ACSL1: variants seen among roughly 807,000 people sequenced by gnomAD.
The protein encoded by ACSL1 is acyl-CoA synthetase long chain family member 1.
ACSL1 carries 41 observed loss-of-function variants against 98.4 expected under a neutral mutation model. That is an observed-to-expected ratio of 0.42 (90% CI 0.32 to 0.54). ACSL1 has a LOEUF of 0.54. Ranked by LOEUF, ACSL1 falls within the 20% of genes least tolerant of loss-of-function variation. ACSL1 has a pLI of 0.13. For missense variants in ACSL1, 734 were observed against 883.1 expected (o/e 0.83, Z 2.14); for synonymous variants, 316 against 322.7 (o/e 0.98, Z 0.22).
intron 10 of ACSL1, among the ~76,000 whole-genome samples, chr4:184,770,897 G>A (rs1474987100): frequency 6.6e-6 from 1 of 152,196 alleles, no homozygotes; most frequent in Non-Finnish European, 1.5e-5. Context: ...GCCAAGGCAG[G>A]CAGATCACTT....
chr4:184,769,953 T>C (rs943020874), intron 11 of ACSL1, among the ~76,000 whole-genome samples: 2 of 152,216 alleles, frequency 1.3e-5, no homozygotes, highest in African/African-American at 4.8e-5. Context: ...GCAAGCCAAC[T>C]TGTGCATTAG....
At chr4:184,824,652 A>C (rs1371359514) in intron 1 of ACSL1, among the ~76,000 whole-genome samples, 3 of 152,180 alleles carry the variant, frequency 2.0e-5, no homozygotes. Flanking sequence ...AGAACAAGAA[A>C]GTAAGTCTCC....
At chr4:184,790,182 G>A (rs1333407514) in intron 2 of ACSL1, among the ~76,000 whole-genome samples, 1 of 152,144 alleles carries the variant, frequency 6.6e-6, no homozygotes, top group African/African-American at 2.4e-5. Flanking sequence ...GGGGATGACT[G>A]CCTGATCTGT....
rs536984393 is a variant in ACSL1, at chr4:184,760,319, G to A, written c.1782+38C>T. ...CCCTGGAGTACCAGGCAATGGCAAT[G>A]TGTATGCAGCAAGATTCAAGACCCA... is the stretch of plus-strand genomic sequence containing the variant. On this transcript the variant is annotated intron_variant, in intron 18 of 20. Transcript: ENST00000281455. 1.2e-5 allele frequency: 20 copies of A among 1,610,664 alleles called. 1 individual carries two copies. The South Asian group carries it at 2.0e-4, about 16-fold the overall frequency.
intron 1 of ACSL1, among the ~76,000 whole-genome samples, chr4:184,815,876 T>G (rs1440967869): frequency 6.6e-6 from 1 of 152,026 alleles, no homozygotes; most frequent in Non-Finnish European, 1.5e-5. Flanking sequence ...AACCCAGCAC[T>G]TTGGGAGGCA....
intron 7 of ACSL1, among the ~76,000 whole-genome samples, chr4:184,775,318 C>T (rs991286861): frequency 2.6e-4 from 40 of 151,978 alleles, no homozygotes; most frequent in African/African-American, 9.4e-4. Context: ...TTAATATAAA[C>T]TTTATATTAT....
rs747099011 is a variant in ACSL1 at position 184,760,347 on chromosome 4, A to G, written c.1782+10T>C. On this transcript the variant is annotated intron_variant, in intron 18 of 20. Transcript: ENST00000281455. ...TATGCAGCAAGATTCAAGACCCAGA[A>G]AGCACATACCTGCAGGCTTTCTCCG... 2 of 1,613,916 alleles carry G rather than the reference A, an allele frequency of 1.2e-6. No homozygotes were observed. Among genetic ancestry groups the G allele is most frequent in the Non-Finnish European group, 1.7e-6 (2 of 1,179,870 alleles).
At chr4:184,799,284 T>G (rs1339421410) in intron 2 of ACSL1, among the ~76,000 whole-genome samples, 2 of 152,006 alleles carry the variant, frequency 1.3e-5, no homozygotes, top group African/African-American at 4.8e-5. Flanking sequence ...GCCTGGCTAA[T>G]TTTTGTATTT....
intron 1 of ACSL1, among the ~76,000 whole-genome samples, chr4:184,811,700 C>A (rs1355903638): frequency 6.6e-6 from 1 of 151,870 alleles, no homozygotes; most frequent in Non-Finnish European, 1.5e-5. Flanking sequence ...AGTTTCAATT[C>A]GGGATGACGA....
intron 3 of ACSL1, among the ~76,000 whole-genome samples, chr4:184,786,442 ACACACACACACACACACT>A (rs1226153753): frequency 6.8e-6 from 1 of 146,160 alleles, no homozygotes; most frequent in Non-Finnish European, 1.5e-5. Flanking sequence ...ACACACACAC[ACACACACACACACACACT>A]GTTTCATGTG....
intron 7 of ACSL1, 149 bp from the exon 8 acceptor site, chr4:184,774,024 T>C: frequency 1.1e-6 from 1 of 877,764 alleles, no homozygotes; most frequent in Non-Finnish European, 1.8e-6. Context: ...AAAGAAACTA[T>C]GGCAGTTTTA....
At chr4:184,816,125 A>G (rs1479325082) in intron 1 of ACSL1, among the ~76,000 whole-genome samples, 2 of 152,100 alleles carry the variant, frequency 1.3e-5, no homozygotes, top group African/African-American at 2.4e-5. Flanking sequence ...CAAAAGAAAA[A>G]AAAAAAAGCA....
At chr4:184,813,142 C>T (rs189319047) in intron 1 of ACSL1, among the ~76,000 whole-genome samples, 2 of 152,304 alleles carry the variant, frequency 1.3e-5, no homozygotes, top group Admixed American at 1.3e-4. Context: ...ATAGTTAGGA[C>T]ATGCCCCATG....
At position 184,765,936 on chromosome 4, in the gene ACSL1, C is replaced by T; in HGVS notation, c.1314G>A (p.Val438=). The T allele has an allele frequency of 6.2e-7, 1 of 1,614,080 alleles. No individual in the cohort carries two copies. Among genetic ancestry groups the T allele is most frequent in the Non-Finnish European group, 8.5e-7 (1 of 1,180,018 alleles). ...TGAGGAACGTCAGCACAGTGGCAGACACCGGGGCGGCTCCTGTCACCATCA... is the reference window on the plus strand; with the variant it reads ...TGAGGAACGTCAGCACAGTGGCAGATACCGGGGCGGCTCCTGTCACCATCA... The part of the protein sequence containing the change: ...VRLMVTGAAP[V]SATVLTFLRA... Residue 438 remains valine, a synonymous_variant, in exon 14 of 21, where the codon GTG becomes GTA. Coordinates refer to ENST00000281455, the MANE Select transcript of ACSL1 (RefSeq NM_001995.5).
chr4:184,793,165 C>CTTTAATG (rs201341563), intron 2 of ACSL1, among the ~76,000 whole-genome samples: 1,503 of 146,252 alleles, frequency 0.01, 14 homozygotes, highest in Middle Eastern at 0.017. Flanking sequence ...CTATAGACCT[C>CTTTAATG]TTTAATGTGG....
chr4:184,811,199 T>C (rs953810440), intron 1 of ACSL1, among the ~76,000 whole-genome samples: 7 of 150,818 alleles, frequency 4.6e-5, no homozygotes, highest in East Asian at 1.9e-4. Flanking sequence ...AGCTCCGCCT[T>C]CTGGGTTCAC....
At chr4:184,821,792 A>G (rs1240883227) in intron 1 of ACSL1, among the ~76,000 whole-genome samples, 2 of 152,254 alleles carry the variant, frequency 1.3e-5, no homozygotes, top group African/African-American at 2.4e-5. Context: ...ACAACGTGTA[A>G]AAAAGCCCAC....
intron 3 of ACSL1, among the ~76,000 whole-genome samples, chr4:184,785,620 GGA>G (rs1561209762): frequency 1.2e-4 from 4 of 33,552 alleles, no homozygotes; most frequent in Non-Finnish European, 2.2e-4. Context: ...GGGGGGGGGG[GGA>G]AGGAAGCAAA....
intron 2 of ACSL1, chr4:184,798,433 T>G (rs1318168051): frequency 6.5e-6 from 1 of 153,578 alleles, no homozygotes; most frequent in Non-Finnish European, 1.5e-5. Flanking sequence ...GACAAGTCAG[T>G]CATCTCAATG....
Sources: allele counts gnomAD v4.1 joint callset (sites outside exome capture counted in the v4.1 genomes callset), GRCh38; gene constraint gnomAD v4.1.1; transcripts MANE v1.5; gene names NCBI Gene and HGNC (gene_info 2026-07-23, HGNC 2026-07-21).